Variants in ACTMAP observed in about 807,000 individuals in gnomAD.
The protein encoded by ACTMAP is UPF0692 protein C19orf54.
At chr19:40,744,248 G>T in the ACTMAP span, 1 of 1,493,808 alleles carries the variant, frequency 6.7e-7, no homozygotes. Context: ...CCAGCACCGT[G>T]CTGAGGGCTC....
chr19:40,741,533 CCTT>C, the ACTMAP span: 2 of 357,350 alleles, frequency 5.6e-6, no homozygotes, highest in East Asian at 7.4e-5. Flanking sequence ...GCCTGTTCCT[CCTT>C]CAGAGTGGAG....
the ACTMAP span, among the ~76,000 whole-genome samples, chr19:40,743,173 G>T: frequency 1.3e-5 from 2 of 152,012 alleles, no homozygotes; most frequent in East Asian, 3.9e-4. Flanking sequence ...CAGGCAGGGG[G>T]AATGATGAAA....
chr19:40,746,587 G>A, the ACTMAP span, among the ~76,000 whole-genome samples: 11 of 152,294 alleles, frequency 7.2e-5, no homozygotes, highest in South Asian at 2.3e-3. Flanking sequence ...CTGTTAGCCA[G>A]GATGGTCTCG....
the ACTMAP span, chr19:40,749,701 G>A: frequency 2.0e-6 from 3 of 1,525,218 alleles, no homozygotes; most frequent in African/African-American, 2.8e-5. Context: ...AAGTCCAGGG[G>A]ACTTGGGGGT....
chr19:40,744,009 G>A, the ACTMAP span: 1 of 1,614,002 alleles, frequency 6.2e-7, no homozygotes, highest in East Asian at 2.2e-5. Context: ...ACGATGGTGT[G>A]GCCCTGGGAC....
At chr19:40,745,281 C>G in the ACTMAP span, 1 of 1,346,992 alleles carries the variant, frequency 7.4e-7, no homozygotes, top group Non-Finnish European at 1.0e-6. Flanking sequence ...GTGGTCGTAT[C>G]CAGGGATGAT....
the ACTMAP span, chr19:40,741,852 A>G: frequency 4.4e-6 from 2 of 456,174 alleles, no homozygotes; most frequent in African/African-American, 4.0e-5. Context: ...CTGCTCCCAG[A>G]TGGGCTTTAA....
the ACTMAP span, chr19:40,744,164 G>T: frequency 6.2e-7 from 1 of 1,602,118 alleles, no homozygotes; most frequent in African/African-American, 1.3e-5. Context: ...TGGCAGCCCA[G>T]CACCTCCTGG....
chr19:40,744,385 G>A, the ACTMAP span, among the ~76,000 whole-genome samples: 3 of 152,174 alleles, frequency 2.0e-5, no homozygotes, highest in Non-Finnish European at 1.5e-5. Context: ...AGCTGGGTTT[G>A]CAACCTAGGC....
the ACTMAP span, chr19:40,745,037 C>T: frequency 7.0e-7 from 1 of 1,428,804 alleles, no homozygotes; most frequent in South Asian, 1.2e-5. Context: ...CAGGGACAAT[C>T]CACTCCTCTT....
At chr19:40,749,868 A>G in the ACTMAP span, 23 of 1,219,390 alleles carry the variant, frequency 1.9e-5, no homozygotes, top group East Asian at 6.4e-4. Context: ...TCCAACGGAG[A>G]ACGGTCTCAG....
At chr19:40,748,078 C>T in the ACTMAP span, among the ~76,000 whole-genome samples, 1 of 152,110 alleles carries the variant, frequency 6.6e-6, no homozygotes, top group Non-Finnish European at 1.5e-5. Context: ...AACACAACAG[C>T]GCCTGACATA....
At chr19:40,744,335 C>T in the ACTMAP span, 10 of 1,384,338 alleles carry the variant, frequency 7.2e-6, no homozygotes, top group Middle Eastern at 2.6e-4. Flanking sequence ...GCACAAAGAG[C>T]GTGAGTGGCT....
At chr19:40,746,432 G>A in the ACTMAP span, among the ~76,000 whole-genome samples, 2 of 151,854 alleles carry the variant, frequency 1.3e-5, no homozygotes, top group African/African-American at 4.8e-5. Flanking sequence ...CTGGAGTGCA[G>A]TGGCCCGATC....
At chr19:40,744,513 C>T in the ACTMAP span, 1 of 1,606,920 alleles carries the variant, frequency 6.2e-7, no homozygotes, top group Non-Finnish European at 8.5e-7. Context: ...CCTCTCTGGT[C>T]CCAGCCTCAT....
chr19:40,743,765 G>C, the ACTMAP span: 3 of 1,038,710 alleles, frequency 2.9e-6, no homozygotes, highest in Non-Finnish European at 2.9e-6. Context: ...AGACACCTGG[G>C]GCCCAGCCTG....
chr19:40,741,720 C>G, the ACTMAP span: 1 of 456,706 alleles, frequency 2.2e-6, no homozygotes. Context: ...CATGTGACCT[C>G]AGGCCAGTGA....
the ACTMAP span, among the ~76,000 whole-genome samples, chr19:40,748,077 G>C: frequency 6.6e-6 from 1 of 152,156 alleles, no homozygotes; most frequent in Non-Finnish European, 1.5e-5. Context: ...AAACACAACA[G>C]CGCCTGACAT....
the ACTMAP span, chr19:40,741,454 AG>A: frequency 4.8e-6 from 1 of 208,566 alleles, no homozygotes; most frequent in Non-Finnish European, 9.9e-6. Flanking sequence ...AAAAAAAAAA[AG>A]CAACAGTGCT....
Sources: allele counts gnomAD v4.1 joint callset (sites outside exome capture counted in the v4.1 genomes callset), GRCh38; gene constraint gnomAD v4.1.1; transcripts MANE v1.5; gene names NCBI Gene and HGNC (gene_info 2026-07-23, HGNC 2026-07-21).